GLG1: variants seen among roughly 807,000 people sequenced by gnomAD.
GLG1 encodes golgi glycoprotein 1.
Under a neutral mutation model 160.5 loss-of-function variants are expected in GLG1, and 38 were observed. The observed-to-expected ratio is 0.24, with a 90% CI of 0.18 to 0.31. The LOEUF (loss-of-function observed/expected upper bound fraction) is 0.31. Among genes scored for constraint, GLG1 ranks in the 10% least tolerant of loss-of-function variants. GLG1 has a pLI of 1.00. For synonymous variants in GLG1, 644 were observed against 543.4 expected (o/e 1.19, Z -2.57); for missense variants, 1,373 against 1,505.2 (o/e 0.91, Z 1.45).
intron 4 of GLG1, among the ~76,000 whole-genome samples, chr16:74,503,074 G>A (rs1374833960): frequency 1.3e-5 from 2 of 151,886 alleles, no homozygotes; most frequent in South Asian, 2.1e-4. Context: ...AGGCGTGGTG[G>A]TGCATGCCTG....
intron 17 of GLG1, chr16:74,468,568 C>T (rs888743803): frequency 1.5e-5 from 3 of 198,240 alleles, no homozygotes; most frequent in Admixed American, 5.2e-5. Flanking sequence ...GGTTTCATCA[C>T]GTTGGCCAGG....
rs1409218116 is a variant in GLG1 at position 74,452,721 on chromosome 16, A to G, written c.*446T>C. 1.0e-6 allele frequency: 1 copy of G among 992,434 alleles called. No individual in the cohort carries two copies. Among genetic ancestry groups the G allele is most frequent in the Non-Finnish European group, 1.2e-6 (1 of 834,014 alleles). The allele number at this position is 992,434 out of a possible 1,614,324, so 61.5% of individuals were successfully genotyped here. ...CCCCTCCAAGTCCTGTCTTTGTTTT[A>G]CACAGTCATATGAAAGACATAACCC... On this transcript the variant is annotated 3_prime_UTR_variant, in exon 26 of 26. Coordinates refer to ENST00000422840, the MANE Select transcript of GLG1 (RefSeq NM_001145667.2).
intron 3 of GLG1, among the ~76,000 whole-genome samples, chr16:74,507,519 A>C (rs2016655560): frequency 6.6e-6 from 1 of 152,074 alleles, no homozygotes; most frequent in Non-Finnish European, 1.5e-5. Context: ...GGTGGATCAC[A>C]TGAGGTCAGG....
intron 1 of GLG1, among the ~76,000 whole-genome samples, chr16:74,600,862 A>G (rs1166686737): frequency 6.6e-6 from 1 of 152,252 alleles, no homozygotes; most frequent in East Asian, 1.9e-4. Flanking sequence ...ATAATTTACT[A>G]TCTGTATGAC....
intron 1 of GLG1, among the ~76,000 whole-genome samples, chr16:74,544,835 T>C (rs1316482553): frequency 2.0e-5 from 3 of 152,060 alleles, no homozygotes; most frequent in African/African-American, 7.2e-5. Flanking sequence ...TGGAGCAAAA[T>C]ACTTAAAGCA....
At chr16:74,462,341 T>C in intron 21 of GLG1, 146 bp from the exon 22 acceptor site, 1 of 831,630 alleles carries the variant, frequency 1.2e-6, no homozygotes, top group East Asian at 2.4e-5. Flanking sequence ...ATGCCTGCTT[T>C]TGATCTGGCC....
chr16:74,528,235 A>G (rs2017403132), intron 2 of GLG1, among the ~76,000 whole-genome samples: 1 of 151,886 alleles, frequency 6.6e-6, no homozygotes, highest in Non-Finnish European at 1.5e-5. Flanking sequence ...TCCTAGCCTC[A>G]AGCGATCTGC....
chr16:74,480,191 T>TA (rs1264867252), intron 11 of GLG1, 50 bp downstream of exon 11: 1 of 1,478,062 alleles, frequency 6.8e-7, no homozygotes, highest in Non-Finnish European at 9.4e-7. Context: ...GCAAACAATT[T>TA]AAAAAACAAA....
rs777137595 is a variant in GLG1 at position 74,459,746 on chromosome 16, G to A, written c.3080C>T (p.Thr1027Ile). ...CTTGAGGCACTCCTCCACCTGACCT[G>A]TCTGCTCTTGGGCTGCTGCTTCTTC... is the stretch of plus-strand genomic sequence containing the variant. ...CAEEAAAQEQ[T>I]GQVEECLKVN... Residue 1027 changes from threonine to isoleucine, a missense_variant, in exon 23 of 26, where the codon ACA (threonine) becomes ATA (isoleucine). By Grantham distance (89) the Thr-to-Ile change is moderately conservative (BLOSUM62 -1). Transcript: ENST00000422840. 1.9e-6 allele frequency: 3 copies of A among 1,610,846 alleles called. No homozygotes were observed. Among genetic ancestry groups the A allele is most frequent in the Non-Finnish European group, 2.5e-6 (3 of 1,177,720 alleles).
chr16:74,496,712 C>CCACACA (rs2016201007), intron 4 of GLG1, 68 bp from the exon 5 acceptor site: 4 of 678,610 alleles, frequency 5.9e-6, no homozygotes, highest in East Asian at 2.7e-5. Context: ...CAACATTTGG[C>CCACACA]TACACACACA....
At chr16:74,558,197 T>A (rs1348322216) in intron 1 of GLG1, among the ~76,000 whole-genome samples, 1 of 152,232 alleles carries the variant, frequency 6.6e-6, no homozygotes, top group Non-Finnish European at 1.5e-5. Context: ...ACTTTTGAGC[T>A]ACTGAGTGAA....
chr16:74,558,430 G>A (rs139369544), intron 1 of GLG1, among the ~76,000 whole-genome samples: 2 of 152,306 alleles, frequency 1.3e-5, no homozygotes, highest in African/African-American at 4.8e-5. Flanking sequence ...GTGCACAAAT[G>A]TTTGAACTGT....
At chr16:74,493,528 G>C (rs555686662) in intron 6 of GLG1, among the ~76,000 whole-genome samples, 1 of 152,230 alleles carries the variant, frequency 6.6e-6, no homozygotes, top group Admixed American at 6.5e-5. Context: ...GGGATATTCT[G>C]TTCAATGCTT....
intron 14 of GLG1, 148 bp downstream of exon 14, chr16:74,472,201 G>A: frequency 1.6e-6 from 1 of 626,202 alleles, no homozygotes; most frequent in Non-Finnish European, 2.8e-6. Context: ...CACCCGGCCT[G>A]TTTACATTTT....
Position 74,538,955 on chromosome 16 carries a change from GT to G in GLG1, c.439-6803del, listed in dbSNP as rs367729852. ...ACATTTGAATTAAGTCTTATAGGCG[GT>G]TGTGGTTTGGTTAAGGATGCTGTGT... On this transcript the variant is annotated intron_variant, in intron 1 of 25. Coordinates refer to ENST00000422840, the MANE Select transcript of GLG1 (RefSeq NM_001145667.2). Among the ~76,000 whole-genome samples the G allele has an allele frequency of 2.1e-3, 319 of 152,052 alleles. 6 individuals are homozygous for G. The East Asian group carries it at 0.052, about 25-fold the overall frequency.
At chr16:74,545,427 C>T (rs1382455209) in intron 1 of GLG1, among the ~76,000 whole-genome samples, 1 of 152,166 alleles carries the variant, frequency 6.6e-6, no homozygotes, top group African/African-American at 2.4e-5. Flanking sequence ...GGGATCCACA[C>T]ACCTCAGCCT....
intron 1 of GLG1, among the ~76,000 whole-genome samples, chr16:74,569,678 A>G (rs978046329): frequency 6.6e-6 from 1 of 152,104 alleles, no homozygotes; most frequent in Non-Finnish European, 1.5e-5. Flanking sequence ...CCTGGCCAAC[A>G]TGGTGAAACC....
intron 1 of GLG1, among the ~76,000 whole-genome samples, chr16:74,539,328 G>T (rs1217290316): frequency 3.3e-5 from 5 of 151,976 alleles, no homozygotes; most frequent in Non-Finnish European, 7.4e-5. Flanking sequence ...AACACGTTAA[G>T]TTTTAAAGAT....
intron 1 of GLG1, among the ~76,000 whole-genome samples, chr16:74,595,050 T>C (rs1228580707): frequency 6.6e-6 from 1 of 151,026 alleles, no homozygotes; most frequent in Non-Finnish European, 1.5e-5. Flanking sequence ...TAGCTCGGCG[T>C]GGTGGCAGAC....
Sources: allele counts gnomAD v4.1 joint callset (sites outside exome capture counted in the v4.1 genomes callset), GRCh38; gene constraint gnomAD v4.1.1; transcripts MANE v1.5; gene names NCBI Gene and HGNC (gene_info 2026-07-23, HGNC 2026-07-21).